MZF1: variants seen among roughly 807,000 people sequenced by gnomAD.
MZF1 encodes zinc finger and SCAN domain-containing protein 6.
Under a neutral mutation model 28.6 loss-of-function variants are expected in MZF1, and 24 were observed. The ratio of observed to expected loss-of-function variants is 0.84; its 90% confidence interval spans 0.61 to 1.18. The LOEUF is 1.18. Ranked by LOEUF, MZF1 falls within the 50% of genes most tolerant of loss-of-function variation. MZF1 has a pLI of 0.00. For missense variants in MZF1, 1,166 were observed against 1,026.4 expected, an observed-to-expected ratio of 1.14 and a Z score of -1.86; for synonymous variants, 516 against 432.5, an observed-to-expected ratio of 1.19 and a Z score of -2.40.
At chr19:58,569,707 G>GTTA in intron 3 of MZF1, 121 bp from the exon 4 acceptor site, 1 of 842,754 alleles carries the variant, frequency 1.2e-6, no homozygotes, top group South Asian at 1.7e-5. Context: ...CTTGGGTTGG[G>GTTA]GAGGGCAGTG....
Position 58,562,885 on chromosome 19 carries a change from A to G in MZF1, c.1392T>C (p.Asp464=). The G allele has an allele frequency of 6.5e-7, 1 of 1,550,000 alleles. No individual in the cohort carries two copies. Among genetic ancestry groups the G allele is most frequent in the Non-Finnish European group, 8.6e-7 (1 of 1,156,142 alleles). ...NLLQHQRIHG[D]PPGPGAKPPA... is the part of the protein sequence containing the mutation. ...GGGGCTTAGCGCCAGGGCCCGGGGG[A>G]TCGCCGTGGATGCGCTGGTGCTGCA... is the stretch of plus-strand genomic sequence containing the variant. The change falls in exon 6 of 6, where the codon GAT becomes GAC. Residue 464 remains aspartate, a synonymous_variant. Coordinates refer to ENST00000215057, the MANE Select transcript of MZF1 (RefSeq NM_198055.2).
rs1489238255 is a variant in MZF1, at chr19:58,562,501, C to T, written c.1776G>A (p.Thr592=). 3 of 1,603,906 alleles carry T rather than the reference C, an allele frequency of 1.9e-6. No homozygotes were observed. The highest frequency in any genetic ancestry group is 2.7e-5 in the African/African-American group (2 of 72,778). Residue 592 remains threonine (T), a synonymous_variant, in exon 6 of 6, where the codon ACG becomes ACA. Transcript: ENST00000215057. ...PTLTQHLRVH[T]GEKPFACPEC... ...CGGGGCAGGCAAAGGGTTTCTCGCC[C>T]GTGTGTACGCGGAGATGCTGCGTGA...
intron 3 of MZF1, 52 bp from the exon 4 acceptor site, chr19:58,569,638 C>A: frequency 1.4e-6 from 2 of 1,443,740 alleles, no homozygotes; most frequent in Non-Finnish European, 9.5e-7. Flanking sequence ...CACCCCACTG[C>A]CCTTCTTAGT....
At position 58,569,373 on chromosome 19, in the gene MZF1, T is replaced by G. The variant is rs746401031; in HGVS notation, c.676A>C (p.Ile226Leu). ...AQRCGTVLDQ[I>L]FPHSKTGPEG... ...GGCCCAGTCTTGCTGTGGGGAAAGA[T>G]CTGGTCCAGCACGGTCCCACATCTC... Residue 226 changes from isoleucine to leucine, a missense_variant, in exon 5 of 6, where the codon ATC becomes CTC. Physicochemically the swap from Ile to Leu is conservative, Grantham distance 5 (BLOSUM62 2). Coordinates refer to ENST00000215057, the MANE Select transcript of MZF1 (RefSeq NM_198055.2). The G allele has an allele frequency of 6.2e-7, 1 of 1,613,894 alleles. No homozygotes were observed.
chr19:58,570,984 A>G lies in MZF1; in HGVS notation c.396+10T>C. The G allele has an allele frequency of 6.3e-7, 1 of 1,593,526 alleles. No individual in the cohort carries two copies. The highest frequency in any genetic ancestry group is 8.6e-7 in the Non-Finnish European group (1 of 1,169,218). On this transcript the variant is annotated intron_variant, in intron 2 of 5. Coordinates refer to ENST00000215057, the MANE Select transcript of MZF1 (RefSeq NM_198055.2). ...CCAGTCCTGAACCCCACTCGTGGAC[A>G]CTCACTCACCCATCTCCGGGGTCCG...
At position 58,570,359 on chromosome 19, in the gene MZF1, C is replaced by A; in HGVS notation, c.565G>T (p.Val189Phe). ...LGLQVKEESEVTEDSDFLESG... is the reference protein window; with the variant it reads ...LGLQVKEESEFTEDSDFLESG... Reference sequence around the variant, plus strand: ...ATGCCCTCACCTGAGTCCTCTGTAACCTCTGACTCCTCTTTCACCTGCAGG... The same window carrying A: ...ATGCCCTCACCTGAGTCCTCTGTAAACTCTGACTCCTCTTTCACCTGCAGG... Residue 189 changes from valine (V) to phenylalanine (F), a missense_variant, in exon 3 of 6, where the codon GTT (valine) becomes TTT (phenylalanine). Val to Phe is a conservative substitution (Grantham distance 50). Transcript: ENST00000215057. The A allele has an allele frequency of 6.2e-7, 1 of 1,612,802 alleles. No individual in the cohort carries two copies. Among genetic ancestry groups the A allele is most frequent in the Non-Finnish European group, 8.5e-7 (1 of 1,179,150 alleles).
intron 1 of MZF1, chr19:58,572,818 G>A (rs1432644864): frequency 5.7e-6 from 2 of 352,618 alleles, no homozygotes; most frequent in Non-Finnish European, 1.1e-5. Flanking sequence ...GCTCCAGGGT[G>A]CCAAGGTAGG....
chr19:58,568,804 G>A (rs1330745101), intron 5 of MZF1: 1 of 154,718 alleles, frequency 6.5e-6, no homozygotes, highest in Admixed American at 6.4e-5. Flanking sequence ...GAGGTAGATG[G>A]CAGGGGGCCT....
rs756848522 is a variant in MZF1, at chr19:58,563,461, A to G, written c.816T>C (p.Ser272=). The G allele has an allele frequency of 5.1e-6, 8 of 1,575,916 alleles. No homozygotes were observed. The highest frequency in any genetic ancestry group is 1.2e-5 in the South Asian group (1 of 86,404). ...QLGSISAGPG[S]VSPHLHVPWD... The stretch of plus-strand genomic sequence containing the variant: ...AGGGGACGTGGAGGTGAGGGCTTAC[A>G]CTACCTGGACCTGCGGAGATGCTGC... Residue 272 remains serine, a synonymous_variant, in exon 6 of 6, where the codon AGT becomes AGC. Transcript: ENST00000215057.
chr19:58,561,979 G>C lies in MZF1; in HGVS notation c.*93C>G. The C allele has an allele frequency of 7.6e-7, 1 of 1,321,116 alleles. No homozygotes were observed. The allele number at this position is 1,321,116 out of a possible 1,614,324, so 81.8% of individuals were successfully genotyped here. On this transcript the variant is annotated 3_prime_UTR_variant, in exon 6 of 6. Coordinates refer to ENST00000215057, the MANE Select transcript of MZF1 (RefSeq NM_198055.2). ...CACCTACAGTAGCCAAGCCCTGGGC[G>C]GACCTGCTTATACTTATGTAATCGC...
intron 5 of MZF1, among the ~76,000 whole-genome samples, chr19:58,564,900 G>GTTTTTTTTTTTTTTTTTTTTT (rs1253286923): frequency 4.3e-5 from 3 of 69,382 alleles, no homozygotes; most frequent in African/African-American, 1.4e-4. Context: ...ATCCATGTGT[G>GTTTTTTTTTTTTTTTTTTTTT]TGTTTTTTTT....
intron 3 of MZF1, 174 bp from the exon 4 acceptor site, chr19:58,569,760 G>A (rs934876763): frequency 4.7e-5 from 28 of 590,762 alleles, no homozygotes; most frequent in Non-Finnish European, 7.2e-5. Flanking sequence ...GTGAAGCAGA[G>A]TACCCTGGAA....
In MZF1 at chr19:58,563,476, G is replaced by T; in HGVS notation, c.801C>A (p.Ser267=). 1 of 1,561,998 alleles carries T rather than the reference G, an allele frequency of 6.4e-7. No homozygotes were observed. The highest frequency in any genetic ancestry group is 8.7e-7 in the Non-Finnish European group (1 of 1,151,374). ...PGFALQLGSI[S]AGPGSVSPHL... ...GAGGGCTTACACTACCTGGACCTGC[G>T]GAGATGCTGCCTAGCTGCAGCGCGA... The change falls in exon 6 of 6, where the codon TCC becomes TCA. Residue 267 remains serine, a synonymous_variant. Coordinates refer to ENST00000215057, the MANE Select transcript of MZF1 (RefSeq NM_198055.2).
chr19:58,566,835 CATAA>C (rs1294953503), intron 5 of MZF1, among the ~76,000 whole-genome samples: 1 of 151,694 alleles, frequency 6.6e-6, no homozygotes, highest in Non-Finnish European at 1.5e-5. Context: ...GACTCCATTT[CATAA>C]ATAAATAGAT....
chr19:58,569,245 G>A (rs749096647), intron 5 of MZF1, 32 bp downstream of exon 5: 2 of 1,555,148 alleles, frequency 1.3e-6, no homozygotes, highest in Non-Finnish European at 1.7e-6. Flanking sequence ...CCATGCGGAA[G>A]GCCTAGTCCC....
intron 3 of MZF1, 46 bp from the exon 4 acceptor site, chr19:58,569,632 C>G (rs771094404): frequency 6.8e-7 from 1 of 1,476,408 alleles, no homozygotes; most frequent in Non-Finnish European, 9.2e-7. Context: ...AGTTTCCACC[C>G]CACTGCCCTT....
intron 5 of MZF1, among the ~76,000 whole-genome samples, chr19:58,565,906 C>G (rs1361990946): frequency 7.1e-6 from 1 of 140,336 alleles, no homozygotes; most frequent in Non-Finnish European, 1.5e-5. Context: ...TTTGGGAGGC[C>G]GAGGCGGGTG....
Position 58,562,890 on chromosome 19 carries a change from C to T in MZF1, c.1387G>A (p.Gly463Ser), listed in dbSNP as rs760372307. 3.9e-6 allele frequency: 6 copies of T among 1,519,120 alleles called. No homozygotes were observed. In the South Asian group the frequency reaches 7.3e-5, roughly 18 times the overall value. 94.1% of individuals were successfully genotyped at this position (1,519,120 alleles called of 1,614,324 possible). ...TTAGCGCCAGGGCCCGGGGGATCGC[C>T]GTGGATGCGCTGGTGCTGCAGCAGA... ...SNLLQHQRIH[G>S]DPPGPGAKPP... Residue 463 changes from glycine (G) to serine (S), a missense_variant, in exon 6 of 6, where the codon GGC becomes AGC. Physicochemically the swap from Gly to Ser is moderately conservative, Grantham distance 56. Coordinates refer to ENST00000215057, the MANE Select transcript of MZF1 (RefSeq NM_198055.2).
At chr19:58,569,677 G>A (rs917601504) in intron 3 of MZF1, 91 bp from the exon 4 acceptor site, 4 of 1,166,846 alleles carry the variant, frequency 3.4e-6, no homozygotes, top group African/African-American at 1.5e-5. Context: ...ATGCAGAGAG[G>A]TGGGATTCTT....
Sources: allele counts gnomAD v4.1 joint callset (sites outside exome capture counted in the v4.1 genomes callset), GRCh38; gene constraint gnomAD v4.1.1; transcripts MANE v1.5; gene names NCBI Gene and HGNC (gene_info 2026-07-23, HGNC 2026-07-21).